The following ANKRD11 variants were observed in gnomAD, a reference collection of about 807,000 sequenced individuals.
ANKRD11 encodes the protein ankyrin repeat domain 11, also known as ankyrin repeat domain-containing protein 11.
ANKRD11 carries 17 observed loss-of-function variants against 195.7 expected under a neutral mutation model. The ratio of observed to expected loss-of-function variants is 0.09; its 90% CI spans 0.06 to 0.13. ANKRD11 has a LOEUF of 0.13. Ranked by LOEUF, ANKRD11 falls within the 10% of genes least tolerant of loss-of-function variation. ANKRD11 has a pLI of 1.00. For missense variants in ANKRD11, 3,735 were observed against 3,566.1 expected (o/e 1.05, Z -1.21); for synonymous variants, 1,953 against 1,528.1 (o/e 1.28, Z -6.49).
chr16:89,313,344 C>T (rs1263613582), intron 3 of ANKRD11: 6 of 1,287,432 alleles, frequency 4.7e-6, no homozygotes, highest in Non-Finnish European at 6.1e-6. Context: ...CTCAACGATG[C>T]AGACACCTGC....
intron 2 of ANKRD11, among the ~76,000 whole-genome samples, chr16:89,369,239 G>A (rs1314318165): frequency 1.3e-5 from 2 of 151,998 alleles, no homozygotes; most frequent in Non-Finnish European, 2.9e-5. Flanking sequence ...ACAAAAGGCA[G>A]TGCAGCGACC....
At chr16:89,300,828 A>C (rs1162049650) in intron 4 of ANKRD11, 1 of 701,756 alleles carries the variant, frequency 1.4e-6, no homozygotes, top group Admixed American at 2.0e-5. Context: ...AGGTCAAAGC[A>C]AAATAAGAAA....
At chr16:89,458,471 A>G (rs1010402748) in intron 1 of ANKRD11, among the ~76,000 whole-genome samples, 16 of 152,198 alleles carry the variant, frequency 1.1e-4, no homozygotes, top group African/African-American at 1.2e-4. Flanking sequence ...TGATCCGCCC[A>G]TCTCGGCCTC....
rs1287158409 is a variant in ANKRD11, at chr16:89,452,754, T to G, written c.-144-34386A>C. On this transcript the variant is annotated intron_variant, in intron 1 of 12. Transcript: ENST00000301030. ...GAGATCATGCCATTGCACTCCAGCCTAGGCAACAGAGAGAGACTCTATCTC... is the reference window on the plus strand; with the variant it reads ...GAGATCATGCCATTGCACTCCAGCCGAGGCAACAGAGAGAGACTCTATCTC... Among the ~76,000 whole-genome samples the G allele has an allele frequency of 5.0e-5, 6 of 120,570 alleles. No homozygotes were observed. In the East Asian group the frequency reaches 1.2e-3, roughly 24 times the overall value. The allele number at this position is 120,570 out of a possible 152,430, so 79.1% of individuals were successfully genotyped here. A position where few individuals can be genotyped will look rare whatever the true frequency, so the allele number is the denominator to read the frequency against.
chr16:89,440,931 G>A (rs1202672920), intron 1 of ANKRD11, among the ~76,000 whole-genome samples: 1 of 152,202 alleles, frequency 6.6e-6, no homozygotes, highest in Admixed American at 6.5e-5. Context: ...GCGCATCGTG[G>A]TTTATAAAAA....
intron 1 of ANKRD11, among the ~76,000 whole-genome samples, chr16:89,436,736 A>G (rs2043231288): frequency 6.6e-6 from 1 of 152,168 alleles, no homozygotes; most frequent in African/African-American, 2.4e-5. Context: ...AAAAACCAAA[A>G]AACTTTTACT....
chr16:89,297,537 T>G (rs2035519472), intron 4 of ANKRD11: 1 of 132,298 alleles, frequency 7.6e-6, no homozygotes, highest in Non-Finnish European at 1.7e-5. Flanking sequence ...GGCCAAGAAG[T>G]CTAAATCACA....
intron 2 of ANKRD11, among the ~76,000 whole-genome samples, chr16:89,319,491 C>G (rs2037171461): frequency 6.6e-6 from 1 of 152,232 alleles, no homozygotes; most frequent in Non-Finnish European, 1.5e-5. Flanking sequence ...AGACGTTTCT[C>G]CAGCCACCTG....
chr16:89,282,894 C>G lies in ANKRD11; in HGVS notation c.3648G>C (p.Lys1216Asn). 2 of 1,613,046 alleles carry G rather than the reference C, an allele frequency of 1.2e-6. No homozygotes were observed. Among genetic ancestry groups the G allele is most frequent in the Non-Finnish European group, 1.7e-6 (2 of 1,179,990 alleles). ...AGGCTCTGTCCTTCCTGTCCTTGTACTTTTCTGTGGACTCTTTATCCTTCT... is the reference window on the plus strand; with the variant it reads ...AGGCTCTGTCCTTCCTGTCCTTGTAGTTTTCTGTGGACTCTTTATCCTTCT... The part of the protein sequence containing the change: ...KEKKDKESTE[K>N]YKDRKDRASV... Residue 1216 changes from lysine (K) to asparagine (N), a missense_variant, in exon 9 of 13, where the codon AAG becomes AAC. Transcript: ENST00000301030.
At chr16:89,325,198 C>A (rs1160686465) in intron 2 of ANKRD11, 3 of 152,318 alleles carry the variant, frequency 2.0e-5, no homozygotes, top group Non-Finnish European at 4.4e-5. Context: ...GAGGGTGGAA[C>A]ACTACACAGC....
chr16:89,303,373 G>A (rs934446950), intron 4 of ANKRD11, among the ~76,000 whole-genome samples: 13 of 152,200 alleles, frequency 8.5e-5, no homozygotes, highest in African/African-American at 2.4e-4. Flanking sequence ...CCTAAAGCCC[G>A]AGAGTACACA....
intron 2 of ANKRD11, among the ~76,000 whole-genome samples, chr16:89,396,969 C>T (rs2152141533): frequency 6.6e-6 from 1 of 152,202 alleles, no homozygotes; most frequent in Middle Eastern, 3.4e-3. Flanking sequence ...GGATTATAGG[C>T]ATGAGCCAGG....
At position 89,286,095 on chromosome 16, in the gene ANKRD11, A is replaced by G; in HGVS notation, c.836T>C (p.Met279Thr). The G allele has an allele frequency of 6.2e-7, 1 of 1,614,186 alleles. No individual in the cohort carries two copies. ...TPLKVANSPT[M>T]VNLLLGKGTY... ...GCCTTTGCCTAACAGGAGGTTCACC[A>G]TCGTGGGGGAGTTGGCCACTTTCAG... Residue 279 changes from methionine (M) to threonine (T), a missense_variant, in exon 8 of 13, where the codon ATG becomes ACG. Met to Thr is a moderately conservative substitution (Grantham distance 81, BLOSUM62 -1). Coordinates refer to ENST00000301030, the MANE Select transcript of ANKRD11 (RefSeq NM_013275.6).
Position 89,432,835 on chromosome 16 carries a change from G to A in ANKRD11, c.-144-14467C>T, listed in dbSNP as rs543479358. The stretch of plus-strand genomic sequence containing the variant: ...ACACGCCTGTGGTCCCAGCTACTCA[G>A]TAGAATCACTTGAGTCTCTACTCAG... On this transcript the variant is annotated intron_variant, in intron 1 of 12. Coordinates refer to ENST00000301030, the MANE Select transcript of ANKRD11 (RefSeq NM_013275.6). Among the ~76,000 whole-genome samples the A allele has an allele frequency of 2.6e-5, 4 of 152,140 alleles. No homozygotes were observed. The South Asian group carries it at 8.3e-4, about 32-fold the overall frequency.
chr16:89,319,186 A>G (rs1018695017), intron 2 of ANKRD11, among the ~76,000 whole-genome samples: 1 of 152,258 alleles, frequency 6.6e-6, no homozygotes, highest in African/African-American at 2.4e-5. Flanking sequence ...GCCCACGGAC[A>G]CACTCAACAG....
chr16:89,363,618 C>T (rs985485679), intron 2 of ANKRD11, among the ~76,000 whole-genome samples: 16 of 152,116 alleles, frequency 1.1e-4, no homozygotes, highest in African/African-American at 3.6e-4. Context: ...CAAATTCAAA[C>T]GCACTCTGTG....
chr16:89,440,054 AGAG>A (rs2043379566), intron 1 of ANKRD11, among the ~76,000 whole-genome samples: 1 of 152,194 alleles, frequency 6.6e-6, no homozygotes, highest in African/African-American at 2.4e-5. Context: ...TCAGAGACTC[AGAG>A]GAGATCACAG....
intron 1 of ANKRD11, among the ~76,000 whole-genome samples, chr16:89,483,400 A>T (rs1168871109): frequency 2.0e-5 from 3 of 152,242 alleles, no homozygotes; most frequent in Non-Finnish European, 4.4e-5. Context: ...ATGAATGTAA[A>T]TCTCATTGAA....
In ANKRD11 at chr16:89,283,416, G is replaced by T. The variant is rs148141196; in HGVS notation, c.3126C>A (p.Ile1042=). The T allele has an allele frequency of 6.2e-7, 1 of 1,613,820 alleles. No homozygotes were observed. The highest frequency in any genetic ancestry group is 8.5e-7 in the Non-Finnish European group (1 of 1,180,016). Residue 1042 remains isoleucine (I), a synonymous_variant, in exon 9 of 13, where the codon ATC becomes ATA. Transcript: ENST00000301030. The surrounding 1 kb of genome is among the most constrained non-coding windows in gnomAD (Gnocchi z 4.3). The stretch of plus-strand genomic sequence containing the variant: ...CTTTGTCCTTCTGACATTTTTCCAG[G>T]ATTGATTTCTCACTTTTGTCCTTGT... ...SSDKDKSEKS[I]LEKCQKDKEF... is the part of the protein sequence containing the mutation.
Sources: allele counts gnomAD v4.1 joint callset (sites outside exome capture counted in the v4.1 genomes callset), GRCh38; gene constraint gnomAD v4.1.1; non-coding constraint Gnocchi (gnomAD v3.1); transcripts MANE v1.5; gene names NCBI Gene and HGNC (gene_info 2026-07-23, HGNC 2026-07-21).